SLC18B1: variants seen among roughly 807,000 people sequenced by gnomAD.
SLC18B1 encodes solute carrier family 18 member B1.
A neutral mutation model predicts 53.9 loss-of-function variants in SLC18B1; 62 were observed. The ratio of observed to expected loss-of-function variants is 1.15; its 90% confidence interval spans 0.94 to 1.42. The LOEUF (loss-of-function observed/expected upper bound fraction) is 1.42, where lower values mean the gene tolerates loss of function less well. SLC18B1 is among the 40% of genes most tolerant of loss of function. The pLI, the probability that SLC18B1 is intolerant of heterozygous loss-of-function variation, is 0.00. For missense variants in SLC18B1, 598 were observed against 547.3 expected (o/e 1.09, Z -0.93); for synonymous variants, 217 against 200.9 (o/e 1.08, Z -0.68).
intron 6 of SLC18B1, among the ~76,000 whole-genome samples, chr6:132,782,012 ACT>A (rs1394609539): frequency 6.6e-6 from 1 of 151,206 alleles, no homozygotes; most frequent in Admixed American, 6.6e-5. Context: ...ACATGGTGAA[ACT>A]CTGTCTCTAC....
At chr6:132,790,992 C>T (rs1490237937) in intron 2 of SLC18B1, among the ~76,000 whole-genome samples, 2 of 152,214 alleles carry the variant, frequency 1.3e-5, no homozygotes, top group East Asian at 1.9e-4. Context: ...TTTTGAACTT[C>T]AAATGCTACT....
intron 8 of SLC18B1, among the ~76,000 whole-genome samples, chr6:132,775,864 A>G (rs761565142): frequency 4.6e-5 from 7 of 152,238 alleles, no homozygotes; most frequent in Non-Finnish European, 7.3e-5. Context: ...CTATTTATTA[A>G]GATCAATCCA....
At chr6:132,781,936 G>T (rs994042208) in intron 6 of SLC18B1, among the ~76,000 whole-genome samples, 1 of 151,408 alleles carries the variant, frequency 6.6e-6, no homozygotes. Flanking sequence ...ACCTGTAATC[G>T]CAGCACTTTG....
In SLC18B1 at chr6:132,770,307, T is replaced by G. The variant is rs1213097812; in HGVS notation, c.1334A>C (p.Glu445Ala). ...AGGCAAGAGAGTAGTTCGTTCCTCC[T>G]CTGTGCTGAGGATGTTTTGAGATTT... ...RSKSQNILSTEEERTTLLPNE... is the reference protein window; with the variant it reads ...RSKSQNILSTAEERTTLLPNE... The change falls in exon 14 of 14, where the codon GAG becomes GCG. Residue 445 changes from glutamate to alanine, a missense_variant. Physicochemically the swap from Glu to Ala is moderately radical, Grantham distance 107. Transcript: ENST00000275227. 1 of 1,613,888 alleles carries G rather than the reference T, an allele frequency of 6.2e-7. No individual in the cohort carries two copies. The highest frequency in any genetic ancestry group is 1.7e-5 in the Admixed American group (1 of 60,010).
At position 132,792,283 on chromosome 6, in the gene SLC18B1, G is replaced by GAAAGAAAGAAGGAAA. The variant is rs71003613; in HGVS notation, c.184-2012_184-2011insTTTCCTTCTTTCTTT. ...AGAAAGAAAGAAAGAAAGAAAGAAA[G>GAAAGAAAGAAGGAAA]GAAGAAAGGAAGGAAGGAAGGAAGG... On this transcript the variant is annotated intron_variant, in intron 2 of 13. Transcript: ENST00000275227. 4.1e-5 allele frequency among the ~76,000 whole-genome samples: 2 copies of GAAAGAAAGAAGGAAA among 49,014 alleles called. 1 individual carries two copies. The highest frequency in any genetic ancestry group is 2.5e-4 in the African/African-American group (2 of 7,860). 32.2% of individuals were successfully genotyped at this position (49,014 alleles called of 152,430 possible). A position where few individuals can be genotyped will look rare whatever the true frequency, so the allele number is the denominator to read the frequency against.
At chr6:132,792,783 A>G (rs898647585) in intron 2 of SLC18B1, among the ~76,000 whole-genome samples, 3 of 152,202 alleles carry the variant, frequency 2.0e-5, no homozygotes, top group African/African-American at 7.2e-5. Context: ...TTTTTGGAAC[A>G]TGGATCCTGC....
chr6:132,779,405 C>A lies in SLC18B1; in HGVS notation c.659-1G>T. ...AATGAGTGTTCACCTGGATCAGACT[C>A]TTTAGGGAAAAAATGAAAAAAGAAA... On this transcript the variant is annotated splice_acceptor_variant, in intron 6 of 13. Coordinates refer to ENST00000275227, the MANE Select transcript of SLC18B1 (RefSeq NM_052831.3). LOFTEE classifies it high-confidence loss of function. The A allele has an allele frequency of 6.4e-7, 1 of 1,564,280 alleles. No individual in the cohort carries two copies. The highest frequency in any genetic ancestry group is 8.7e-7 in the Non-Finnish European group (1 of 1,153,522).
chr6:132,772,964 C>T (rs1253557447), intron 10 of SLC18B1, 29 bp downstream of exon 10: 4 of 1,499,906 alleles, frequency 2.7e-6, no homozygotes, highest in South Asian at 1.1e-5. Flanking sequence ...ATTCACAATA[C>T]AGCTCTTCAA....
intron 11 of SLC18B1, among the ~76,000 whole-genome samples, chr6:132,771,680 C>T (rs1319610893): frequency 6.6e-6 from 1 of 152,196 alleles, no homozygotes; most frequent in East Asian, 1.9e-4. Context: ...AGAACTCTGG[C>T]TTTCCCCTAG....
intron 11 of SLC18B1, among the ~76,000 whole-genome samples, chr6:132,771,705 T>C (rs1318498798): frequency 6.6e-6 from 1 of 152,242 alleles, no homozygotes; most frequent in East Asian, 1.9e-4. Flanking sequence ...ACTGTTTGTC[T>C]TTGAGAAACT....
At chr6:132,775,626 T>G (rs1335659765) in intron 8 of SLC18B1, among the ~76,000 whole-genome samples, 2 of 152,236 alleles carry the variant, frequency 1.3e-5, no homozygotes, top group Non-Finnish European at 2.9e-5. Context: ...GTACTAATTC[T>G]GTACTCTGAT....
At chr6:132,781,432 T>A (rs1345469872) in intron 6 of SLC18B1, among the ~76,000 whole-genome samples, 1 of 151,846 alleles carries the variant, frequency 6.6e-6, no homozygotes, top group Non-Finnish European at 1.5e-5. Context: ...TTACACAAAA[T>A]CTAGTCCAGT....
In SLC18B1 at chr6:132,770,006, T is replaced by G. The variant is rs1206987013; in HGVS notation, c.*264A>C. 7.3e-6 allele frequency: 2 copies of G among 273,458 alleles called. No individual in the cohort carries two copies. The highest frequency in any genetic ancestry group is 4.4e-5 in the African/African-American group (2 of 45,332). 16.9% of individuals were successfully genotyped at this position (273,458 alleles called of 1,614,324 possible). A position where few individuals can be genotyped will look rare whatever the true frequency, so the allele number is the denominator to read the frequency against. On this transcript the variant is annotated 3_prime_UTR_variant, in exon 14 of 14. Coordinates refer to ENST00000275227, the MANE Select transcript of SLC18B1 (RefSeq NM_052831.3). ...AGGACAAGTTTGGTCATTTAAAAAC[T>G]AAGTCTTGTTTTGTTTTGCTTGTTT...
chr6:132,796,190 A>C (rs1401816610), intron 2 of SLC18B1, among the ~76,000 whole-genome samples: 1 of 136,436 alleles, frequency 7.3e-6, no homozygotes, highest in East Asian at 2.0e-4. Flanking sequence ...CTACTAAAAC[A>C]ATACAAAAAA....
intron 2 of SLC18B1, among the ~76,000 whole-genome samples, chr6:132,796,075 A>C (rs563024432): frequency 6.6e-6 from 1 of 151,860 alleles, no homozygotes; most frequent in African/African-American, 2.4e-5. Context: ...TCGGCCGGGC[A>C]CGGTGACTCA....
intron 9 of SLC18B1, among the ~76,000 whole-genome samples, 159 bp downstream of exon 9, chr6:132,774,063 G>A (rs78579807): frequency 0.027 from 4,110 of 152,208 alleles, 168 homozygotes; most frequent in African/African-American, 0.094. Context: ...GCTTCTAGTA[G>A]GGTAAAATAT....
At chr6:132,774,378 G>A (rs766872416) in intron 8 of SLC18B1, 65 bp from the exon 9 acceptor site, 30 of 1,235,994 alleles carry the variant, frequency 2.4e-5, no homozygotes, top group South Asian at 2.1e-4. Context: ...ATCAAACAAC[G>A]TAAAACATTA....
chr6:132,781,346 T>C (rs990429401), intron 6 of SLC18B1, among the ~76,000 whole-genome samples: 2 of 151,086 alleles, frequency 1.3e-5, no homozygotes, highest in Non-Finnish European at 2.9e-5. Flanking sequence ...CACAGGAAGT[T>C]ACTGTTAGAG....
At chr6:132,776,024 G>A (rs909555293) in intron 8 of SLC18B1, among the ~76,000 whole-genome samples, 2 of 152,196 alleles carry the variant, frequency 1.3e-5, no homozygotes, top group African/African-American at 2.4e-5. Flanking sequence ...AGCTATGATC[G>A]CACCACTGCA....
Sources: allele counts gnomAD v4.1 joint callset (sites outside exome capture counted in the v4.1 genomes callset), GRCh38; gene constraint gnomAD v4.1.1; transcripts MANE v1.5; gene names NCBI Gene and HGNC (gene_info 2026-07-23, HGNC 2026-07-21).